CADPS2: variants seen among roughly 807,000 people sequenced by gnomAD.
CADPS2 encodes the protein calcium dependent secretion activator 2, also known as calcium-dependent secretion activator 2.
CADPS2 carries 93 observed loss-of-function variants against 172.5 expected under a neutral mutation model. The ratio of observed to expected loss-of-function variants is 0.54; its 90% CI spans 0.46 to 0.64. CADPS2 has a LOEUF of 0.64. Among genes scored for constraint, CADPS2 ranks in the 30% least tolerant of loss-of-function variants. The pLI, the probability that CADPS2 is intolerant of heterozygous loss-of-function variation, is 0.00. For synonymous variants in CADPS2, 546 were observed against 555.2 expected, an observed-to-expected ratio of 0.98 and a Z score of 0.23; for missense variants, 1,420 against 1,565.9, an observed-to-expected ratio of 0.91 and a Z score of 1.57.
At chr7:122,570,639 T>G (rs1370374292) in intron 7 of CADPS2, among the ~76,000 whole-genome samples, 2 of 150,510 alleles carry the variant, frequency 1.3e-5, no homozygotes, top group African/African-American at 4.9e-5. Context: ...AACCCAAATG[T>G]CCAACAATGA....
At chr7:122,653,822 C>A (rs982595315) in intron 3 of CADPS2, among the ~76,000 whole-genome samples, 5 of 152,144 alleles carry the variant, frequency 3.3e-5, no homozygotes, top group Non-Finnish European at 4.4e-5. Flanking sequence ...TGCTCCCATA[C>A]GAGACAACAA....
At chr7:122,790,136 C>T (rs1794967768) in intron 1 of CADPS2, among the ~76,000 whole-genome samples, 1 of 150,038 alleles carries the variant, frequency 6.7e-6, no homozygotes, top group Non-Finnish European at 1.5e-5. Flanking sequence ...ATGGCTCATG[C>T]CTGTCATCCC....
At chr7:122,736,912 T>G in intron 2 of CADPS2, 43 bp downstream of exon 2, 1 of 1,007,856 alleles carries the variant, frequency 9.9e-7, no homozygotes, top group Non-Finnish European at 1.5e-6. Flanking sequence ...AAACTCCTTT[T>G]AAAATGCATC....
chr7:122,742,279 C>T (rs2092524351), intron 1 of CADPS2, among the ~76,000 whole-genome samples: 1 of 151,728 alleles, frequency 6.6e-6, no homozygotes, highest in African/African-American at 2.4e-5. Context: ...CCTGTCGTCC[C>T]AGATACTTGG....
At chr7:122,857,271 T>C (rs1453593523) in intron 1 of CADPS2, among the ~76,000 whole-genome samples, 1 of 152,236 alleles carries the variant, frequency 6.6e-6, no homozygotes, top group Admixed American at 6.5e-5. Flanking sequence ...CCTCTATTTC[T>C]TTTTTATGTT....
chr7:122,700,914 C>T (rs910696940), intron 2 of CADPS2, among the ~76,000 whole-genome samples: 1 of 152,058 alleles, frequency 6.6e-6, no homozygotes, highest in Non-Finnish European at 1.5e-5. Context: ...ATCCAAAGTA[C>T]TATCATCTAA....
At chr7:122,366,782 C>G (rs1223746419) in intron 25 of CADPS2, 1 of 149,400 alleles carries the variant, frequency 6.7e-6, no homozygotes, top group Non-Finnish European at 1.5e-5. Flanking sequence ...GTGAATCCAG[C>G]TGCGAAACTA....
intron 8 of CADPS2, among the ~76,000 whole-genome samples, chr7:122,552,884 T>C (rs1007451030): frequency 3.9e-5 from 6 of 151,912 alleles, no homozygotes; most frequent in African/African-American, 1.5e-4. Context: ...TGTTCTTTTA[T>C]GTGTAACTCT....
At chr7:122,388,832 C>G in intron 22 of CADPS2, 94 bp from the exon 23 acceptor site, 1 of 1,160,974 alleles carries the variant, frequency 8.6e-7, no homozygotes, top group Non-Finnish European at 1.2e-6. Flanking sequence ...CAATTGCCAT[C>G]AGTGAAAAAA....
At chr7:122,459,530 T>C (rs6970071) in intron 14 of CADPS2, among the ~76,000 whole-genome samples, 3,437 of 152,214 alleles carry the variant, frequency 0.023, 132 homozygotes, top group African/African-American at 0.079. Flanking sequence ...CCAACTGTAG[T>C]CTTTATCCTT....
At chr7:122,450,291 GT>G (rs1232549035) in intron 15 of CADPS2, among the ~76,000 whole-genome samples, 1 of 151,978 alleles carries the variant, frequency 6.6e-6, no homozygotes, top group Non-Finnish European at 1.5e-5. Flanking sequence ...TTTTAAATAA[GT>G]TCCAAATCAC....
chr7:122,681,499 A>G, intron 2 of CADPS2: 1 of 1,472,110 alleles, frequency 6.8e-7, no homozygotes, highest in Admixed American at 1.7e-5. Context: ...TTCGATGCCT[A>G]TGTGCTTCCC....
intron 1 of CADPS2, among the ~76,000 whole-genome samples, chr7:122,784,284 G>A (rs1020474191): frequency 6.6e-6 from 1 of 152,074 alleles, no homozygotes; most frequent in Non-Finnish European, 1.5e-5. Flanking sequence ...TCAGGTCGTT[G>A]GGTACTGTTT....
chr7:122,732,054 G>C (rs973702674), intron 2 of CADPS2, among the ~76,000 whole-genome samples: 6 of 151,490 alleles, frequency 4.0e-5, no homozygotes, highest in Non-Finnish European at 3.0e-5. Context: ...TATGTAACAT[G>C]TTGAACAGTA....
At chr7:122,592,992 A>AT in intron 6 of CADPS2, among the ~76,000 whole-genome samples, 1 of 150,460 alleles carries the variant, frequency 6.6e-6, no homozygotes, top group South Asian at 2.1e-4. Context: ...TAAAATGAAT[A>AT]AATAAATAAA....
chr7:122,532,388 ATAACT>A (rs1415383795), intron 8 of CADPS2, among the ~76,000 whole-genome samples: 1 of 152,200 alleles, frequency 6.6e-6, no homozygotes. Context: ...AAGCTAATTG[ATAACT>A]TAATTTTTAA....
intron 8 of CADPS2, among the ~76,000 whole-genome samples, chr7:122,526,331 A>G (rs2061233422): frequency 6.6e-6 from 1 of 152,018 alleles, no homozygotes; most frequent in South Asian, 2.1e-4. Flanking sequence ...AGCTGGGATT[A>G]TAGCCATGCA....
chr7:122,617,157 C>T (rs1027737241), intron 5 of CADPS2, among the ~76,000 whole-genome samples: 2 of 152,098 alleles, frequency 1.3e-5, no homozygotes, highest in African/African-American at 2.4e-5. Context: ...GTAAACATGA[C>T]CTCCTAAAAC....
chr7:122,850,400 CA>C (rs1268752033), intron 1 of CADPS2: 2 of 318,646 alleles, frequency 6.3e-6, no homozygotes, highest in East Asian at 1.3e-4. Context: ...CACTGGGTTG[CA>C]GTGGATTGAA....
Sources: gnomAD v4.1 joint callset for allele counts (sites outside exome capture counted in the v4.1 genomes callset) on GRCh38, gnomAD v4.1.1 for gene constraint, MANE v1.5 for transcripts, NCBI Gene and HGNC (gene_info 2026-07-23, HGNC 2026-07-21) for gene names.